Variants in INPP4B observed in about 807,000 individuals in gnomAD.
The protein encoded by INPP4B is inositol polyphosphate-4-phosphatase type II B.
Under a neutral mutation model 122.5 loss-of-function variants are expected in INPP4B, and 55 were observed. The observed-to-expected ratio is 0.45, with a 90% CI of 0.36 to 0.56. The LOEUF (loss-of-function observed/expected upper bound fraction) is 0.56, where lower values mean the gene tolerates loss of function less well. Ranked by LOEUF, INPP4B falls within the 20% of genes least tolerant of loss-of-function variation. INPP4B has a pLI of 0.00. For missense variants in INPP4B, 1,000 were observed against 1,097.7 expected (o/e 0.91, Z 1.26); for synonymous variants, 403 against 388.7 (o/e 1.04, Z -0.43).
intron 2 of INPP4B, among the ~76,000 whole-genome samples, chr4:142,700,570 A>G (rs1761610266): frequency 1.3e-5 from 2 of 152,070 alleles, no homozygotes; most frequent in Admixed American, 6.6e-5. Context: ...CCTTCATTCC[A>G]TCTTTTGGGA....
intron 2 of INPP4B, among the ~76,000 whole-genome samples, chr4:142,589,402 T>A (rs1241054584): frequency 6.6e-6 from 1 of 152,030 alleles, no homozygotes; most frequent in Non-Finnish European, 1.5e-5. Context: ...ATATCTGACT[T>A]ATATCCAAAA....
chr4:142,109,632 T>A (rs981173806), intron 22 of INPP4B, among the ~76,000 whole-genome samples: 2 of 152,186 alleles, frequency 1.3e-5, no homozygotes, highest in African/African-American at 4.8e-5. Context: ...GCTTGATTAA[T>A]TCTGATTCAT....
intron 23 of INPP4B, among the ~76,000 whole-genome samples, chr4:142,100,996 TG>T (rs1371722599): frequency 6.6e-6 from 1 of 152,128 alleles, no homozygotes; most frequent in Non-Finnish European, 1.5e-5. Flanking sequence ...ATAGTTAACT[TG>T]TGTCAGAAAG....
intron 25 of INPP4B, among the ~76,000 whole-genome samples, chr4:142,075,892 TAAAA>T (rs1561032974): frequency 6.6e-6 from 1 of 152,104 alleles, no homozygotes; most frequent in African/African-American, 2.4e-5. Flanking sequence ...TTCCTGGATT[TAAAA>T]ATCTGTGTTT....
At chr4:142,382,263 C>T (rs527344885) in intron 7 of INPP4B, among the ~76,000 whole-genome samples, 1 of 152,036 alleles carries the variant, frequency 6.6e-6, no homozygotes, top group African/African-American at 2.4e-5. Flanking sequence ...AATCCCAATA[C>T]TTTGGGAGGC....
intron 2 of INPP4B, among the ~76,000 whole-genome samples, chr4:142,580,632 T>C (rs914460043): frequency 1.3e-5 from 2 of 151,984 alleles, no homozygotes; most frequent in Non-Finnish European, 2.9e-5. Context: ...GTTCAAATAT[T>C]ACAAGAAGAC....
chr4:142,299,916 A>T (rs1361980864), intron 9 of INPP4B, among the ~76,000 whole-genome samples: 2 of 152,122 alleles, frequency 1.3e-5, no homozygotes, highest in South Asian at 2.1e-4. Flanking sequence ...AAGTTTAAGT[A>T]GATATTGATA....
chr4:142,813,989 A>C (rs938317670), intron 1 of INPP4B, among the ~76,000 whole-genome samples: 1 of 152,158 alleles, frequency 6.6e-6, no homozygotes, highest in Non-Finnish European at 1.5e-5. Context: ...AGGAAGAAAA[A>C]GTTATAGAAA....
At chr4:142,344,484 A>C (rs541191628) in intron 7 of INPP4B, among the ~76,000 whole-genome samples, 7 of 152,192 alleles carry the variant, frequency 4.6e-5, no homozygotes, top group Admixed American at 3.3e-4. Flanking sequence ...CCGAGTTGAC[A>C]GTGATATACT....
chr4:142,735,789 T>C (rs1420956278), intron 1 of INPP4B, among the ~76,000 whole-genome samples: 7 of 152,342 alleles, frequency 4.6e-5, no homozygotes, highest in African/African-American at 1.7e-4. Flanking sequence ...ACAAATTCTA[T>C]TCTTTGTATG....
intron 25 of INPP4B, among the ~76,000 whole-genome samples, chr4:142,034,466 C>T (rs1350905847): frequency 6.6e-6 from 1 of 151,998 alleles, no homozygotes; most frequent in Non-Finnish European, 1.5e-5. Context: ...TCCCCTCTTA[C>T]CTCTCTCTTT....
intron 2 of INPP4B, among the ~76,000 whole-genome samples, chr4:142,491,129 G>T (rs577721592): frequency 6.6e-6 from 1 of 151,838 alleles, no homozygotes; most frequent in East Asian, 1.9e-4. Context: ...TAATTTTTTG[G>T]GGGCCCCCAC....
intron 7 of INPP4B, among the ~76,000 whole-genome samples, chr4:142,379,991 G>C (rs530172169): frequency 6.6e-6 from 1 of 152,180 alleles, no homozygotes; most frequent in Non-Finnish European, 1.5e-5. Context: ...CTTGAAAGTC[G>C]TAAGAATGAA....
At chr4:142,565,816 G>C (rs548782832) in intron 2 of INPP4B, among the ~76,000 whole-genome samples, 35 of 152,256 alleles carry the variant, frequency 2.3e-4, no homozygotes, top group African/African-American at 7.9e-4. Flanking sequence ...TTGACATCAA[G>C]AGTCTTCGGA....
intron 2 of INPP4B, among the ~76,000 whole-genome samples, chr4:142,624,115 C>G (rs1211772749): frequency 6.7e-6 from 1 of 150,266 alleles, no homozygotes; most frequent in Non-Finnish European, 1.5e-5. Flanking sequence ...AATGGTATTT[C>G]TAGTTCTAGA....
chr4:142,378,654 A>G (rs1792907112), intron 7 of INPP4B, among the ~76,000 whole-genome samples: 1 of 152,190 alleles, frequency 6.6e-6, no homozygotes, highest in South Asian at 2.1e-4. Context: ...CTGAATATTA[A>G]CATTGCCCTA....
intron 25 of INPP4B, among the ~76,000 whole-genome samples, chr4:142,054,126 C>A (rs898460586): frequency 6.6e-6 from 1 of 152,104 alleles, no homozygotes; most frequent in South Asian, 2.1e-4. Flanking sequence ...TTATACAGGT[C>A]ATTTAAAAAA....
chr4:142,314,607 T>C (rs1288872528), intron 8 of INPP4B, 105 bp downstream of exon 8: 2 of 1,038,888 alleles, frequency 1.9e-6, no homozygotes, highest in African/African-American at 3.2e-5. Flanking sequence ...CCTGTTAATG[T>C]AATTCAATTT....
intron 1 of INPP4B, among the ~76,000 whole-genome samples, chr4:142,817,974 T>G (rs761407702): frequency 3.3e-5 from 5 of 152,100 alleles, no homozygotes; most frequent in Admixed American, 6.6e-5. Context: ...TGGCCCACTT[T>G]CTAGAAGTGG....
Sources: allele counts gnomAD v4.1 joint callset (sites outside exome capture counted in the v4.1 genomes callset), GRCh38; gene constraint gnomAD v4.1.1; transcripts MANE v1.5; gene names NCBI Gene and HGNC (gene_info 2026-07-23, HGNC 2026-07-21).